The following TRIM37 variants were observed in gnomAD, a reference collection of about 807,000 sequenced individuals.
The protein encoded by TRIM37 is tripartite motif containing 37, also known as E3 ubiquitin-protein ligase TRIM37.
Under a neutral mutation model 129.8 loss-of-function variants are expected in TRIM37, and 80 were observed. That is an observed-to-expected ratio of 0.62 (90% CI 0.51 to 0.74). TRIM37 has a LOEUF of 0.74. TRIM37 is among the 30% of genes least tolerant of loss of function. The probability of loss-of-function intolerance (pLI) is 0.00; values close to 1 mark genes in which losing one functional copy is unlikely to be tolerated. For synonymous variants in TRIM37, 389 were observed against 387.1 expected (o/e 1.00, Z -0.06); for missense variants, 1,054 against 1,176.5 (o/e 0.90, Z 1.52).
intron 2 of TRIM37, among the ~76,000 whole-genome samples, chr17:59,099,963 C>T (rs942100241): frequency 3.3e-5 from 5 of 152,096 alleles, no homozygotes; most frequent in African/African-American, 9.7e-5. Context: ...ACCACCAGGC[C>T]TGGCTAATTT....
chr17:59,011,108 G>T (rs1347546867), intron 22 of TRIM37, among the ~76,000 whole-genome samples: 1 of 151,842 alleles, frequency 6.6e-6, no homozygotes, highest in Admixed American at 6.6e-5. Flanking sequence ...GTTGGAGGCT[G>T]CAGTGAGCCA....
chr17:59,007,770 A>T (rs1024720253), intron 22 of TRIM37, among the ~76,000 whole-genome samples: 12 of 152,224 alleles, frequency 7.9e-5, no homozygotes, highest in Admixed American at 2.6e-4. Flanking sequence ...CTAAGAAAAA[A>T]GTTATTTTTA....
intron 21 of TRIM37, among the ~76,000 whole-genome samples, chr17:59,014,746 C>A (rs1183570671): frequency 6.6e-6 from 1 of 151,034 alleles, no homozygotes; most frequent in African/African-American, 2.4e-5. Flanking sequence ...CGCCCCCCTA[C>A]CGCCAACACA....
At chr17:59,039,662 A>G (rs1220827684) in intron 17 of TRIM37, among the ~76,000 whole-genome samples, 1 of 151,870 alleles carries the variant, frequency 6.6e-6, no homozygotes, top group African/African-American at 2.4e-5. Flanking sequence ...GCCAGTCTTT[A>G]TAAGAATTAA....
chr17:59,039,004 A>C (rs1395141275), intron 17 of TRIM37, among the ~76,000 whole-genome samples: 5 of 152,190 alleles, frequency 3.3e-5, no homozygotes, highest in African/African-American at 1.2e-4. Flanking sequence ...AGGAGTCGCC[A>C]ACCATGGACT....
At chr17:59,040,000 T>C (rs1308525147) in intron 17 of TRIM37, among the ~76,000 whole-genome samples, 1 of 151,946 alleles carries the variant, frequency 6.6e-6, no homozygotes, top group Non-Finnish European at 1.5e-5. Context: ...TGGGCTCAGG[T>C]GATCCTCCCA....
intron 2 of TRIM37, among the ~76,000 whole-genome samples, chr17:59,101,677 A>AAATAT (rs1568265833): frequency 3.0e-5 from 3 of 101,552 alleles, no homozygotes; most frequent in African/African-American, 1.2e-4. Flanking sequence ...AAAAAAAAAA[A>AAATAT]ATATATATAT....
chr17:59,075,802 G>C, intron 7 of TRIM37, 88 bp from the exon 8 acceptor site: 6 of 1,048,748 alleles, frequency 5.7e-6, no homozygotes, highest in African/African-American at 1.6e-5. Flanking sequence ...TTAATAACAA[G>C]AAATACACTT....
intron 18 of TRIM37, among the ~76,000 whole-genome samples, chr17:59,031,433 T>A (rs1300023999): frequency 6.6e-6 from 1 of 152,250 alleles, no homozygotes; most frequent in African/African-American, 2.4e-5. Context: ...AACACAAATG[T>A]AATTTCTATT....
At chr17:59,087,341 C>T (rs2043848477) in intron 4 of TRIM37, among the ~76,000 whole-genome samples, 1 of 152,108 alleles carries the variant, frequency 6.6e-6, no homozygotes, top group South Asian at 2.1e-4. Flanking sequence ...GTAATCCACC[C>T]ACCTCGGCTT....
chr17:59,092,800 C>A (rs1301652956), intron 2 of TRIM37, among the ~76,000 whole-genome samples: 1 of 152,038 alleles, frequency 6.6e-6, no homozygotes, highest in Admixed American at 6.6e-5. Context: ...CCCAAGGAAA[C>A]CTTAAAGGAC....
At chr17:59,005,101 AAC>A (rs1314736637) in intron 22 of TRIM37, among the ~76,000 whole-genome samples, 3 of 152,108 alleles carry the variant, frequency 2.0e-5, no homozygotes, top group African/African-American at 4.8e-5. Flanking sequence ...AAAACACTAA[AAC>A]ACACTGAGTT....
intron 5 of TRIM37, among the ~76,000 whole-genome samples, chr17:59,081,953 TAAAA>T (rs762912390): frequency 3.0e-4 from 34 of 113,316 alleles, no homozygotes; most frequent in Non-Finnish European, 4.5e-4. Context: ...AAAAAAAAAA[TAAAA>T]AAAAAAAAAT....
chr17:59,023,185 A>C (rs61004218), intron 19 of TRIM37, among the ~76,000 whole-genome samples: 102,199 of 152,008 alleles, frequency 0.67, 34,987 homozygotes, highest in African/African-American at 0.79. Context: ...AAGCGATTCT[A>C]GTGGCTTGGC....
chr17:59,100,280 A>G (rs1482842209), intron 2 of TRIM37, among the ~76,000 whole-genome samples: 1 of 152,266 alleles, frequency 6.6e-6, no homozygotes, highest in Non-Finnish European at 1.5e-5. Context: ...AAGAGAAAAG[A>G]AAGCTTCTTG....
In TRIM37 at chr17:59,023,238, G is replaced by A. The variant is rs114113588; in HGVS notation, c.2257+5177C>T. ...TTACAGGCATATGCCATCATGCCCA[G>A]GTAATTTTTTTGTATTTTTAGTAGA... On this transcript the variant is annotated intron_variant, in intron 19 of 23. Transcript: ENST00000262294. 5.2e-3 allele frequency among the ~76,000 whole-genome samples: 796 copies of A among 152,180 alleles called. 5 individuals are homozygous for A. Among genetic ancestry groups the A allele is most frequent in the African/African-American group, 0.018 (737 of 41,542 alleles).
At chr17:58,972,606 C>T in the TRIM37 span, among the ~76,000 whole-genome samples, 2 of 152,196 alleles carry the variant, frequency 1.3e-5, no homozygotes, top group Non-Finnish European at 2.9e-5. Flanking sequence ...CTGCTTCGGC[C>T]TCCCAAAGTA....
At chr17:59,093,538 T>A (rs1174164816) in intron 2 of TRIM37, among the ~76,000 whole-genome samples, 1 of 152,194 alleles carries the variant, frequency 6.6e-6, no homozygotes, top group African/African-American at 2.4e-5. Flanking sequence ...ACAATTGCCA[T>A]GCTCTACCAC....
At chr17:59,029,777 C>G (rs560910638) in intron 18 of TRIM37, among the ~76,000 whole-genome samples, 2 of 152,142 alleles carry the variant, frequency 1.3e-5, no homozygotes, top group South Asian at 2.1e-4. Context: ...CAGAGTGAGA[C>G]TCTGTCTCAA....
Sources: gnomAD v4.1 joint callset for allele counts (sites outside exome capture counted in the v4.1 genomes callset) on GRCh38, gnomAD v4.1.1 for gene constraint, MANE v1.5 for transcripts, NCBI Gene and HGNC (gene_info 2026-07-23, HGNC 2026-07-21) for gene names.